The following MARCHF1 variants were observed in gnomAD, a reference collection of about 807,000 sequenced individuals.
The protein encoded by MARCHF1 is membrane associated ring-CH-type finger 1, also known as E3 ubiquitin-protein ligase MARCHF1.
Under a neutral mutation model 54.2 loss-of-function variants are expected in MARCHF1, and 40 were observed. The ratio of observed to expected loss-of-function variants is 0.74; its 90% confidence interval spans 0.57 to 0.96. The LOEUF (loss-of-function observed/expected upper bound fraction) is 0.96, where lower values mean the gene tolerates loss of function less well. Among genes scored for constraint, MARCHF1 ranks in the 40% least tolerant of loss-of-function variants. MARCHF1 has a pLI of 0.00. For missense variants in MARCHF1, 586 were observed against 656.5 expected (o/e 0.89, Z 1.17); for synonymous variants, 236 against 236.3 (o/e 1.00, Z 0.01).
At chr4:164,270,532 G>A (rs772125227) in intron 1 of MARCHF1, among the ~76,000 whole-genome samples, 61 of 152,164 alleles carry the variant, frequency 4.0e-4, no homozygotes, top group Non-Finnish European at 6.6e-4. Flanking sequence ...CATACTAGGT[G>A]TGCTCAATGA....
At chr4:163,745,853 G>A (rs1357929553) in intron 4 of MARCHF1, among the ~76,000 whole-genome samples, 3 of 151,748 alleles carry the variant, frequency 2.0e-5, no homozygotes, top group African/African-American at 7.3e-5. Context: ...AAAAAAAAGA[G>A]ACTTTATTTT....
At chr4:164,015,152 C>A (rs1753508698) in intron 2 of MARCHF1, among the ~76,000 whole-genome samples, 1 of 152,070 alleles carries the variant, frequency 6.6e-6, no homozygotes, top group African/African-American at 2.4e-5. Context: ...TAAATCTATC[C>A]ATTATGGTTA....
intron 1 of MARCHF1, among the ~76,000 whole-genome samples, chr4:164,176,939 G>GCACTCTCTCTCT (rs1491410602): frequency 3.7e-5 from 2 of 53,620 alleles, no homozygotes; most frequent in African/African-American, 1.2e-4. Context: ...AGTACCTTGT[G>GCACTCTCTCTCT]CGCTCTCTCT....
intron 3 of MARCHF1, among the ~76,000 whole-genome samples, chr4:163,863,905 C>T (rs889718341): frequency 5.9e-5 from 9 of 151,966 alleles, no homozygotes; most frequent in African/African-American, 1.9e-4. Flanking sequence ...GACACAGTAG[C>T]CAAACAAAAT....
At chr4:163,983,137 A>T (rs1752795251) in intron 3 of MARCHF1, among the ~76,000 whole-genome samples, 1 of 152,186 alleles carries the variant, frequency 6.6e-6, no homozygotes, top group South Asian at 2.1e-4. Context: ...GCCTGAGACA[A>T]ATATGCATTT....
intron 1 of MARCHF1, among the ~76,000 whole-genome samples, chr4:164,382,333 A>T (rs925110221): frequency 6.6e-6 from 1 of 152,226 alleles, no homozygotes; most frequent in Non-Finnish European, 1.5e-5. Flanking sequence ...AAATCATCTG[A>T]AGAAAAATTA....
rs1274075281 is a variant in MARCHF1, at chr4:163,854,054, C to T, written c.78G>A (p.Gly26=). ...PNNTRTPEIS[G]DLADASQTST... is the part of the protein sequence containing the mutation. ...AGGTTTGTGAGGCGTCAGCCAAATC[C>T]CCTGAGATCTCGGGTGTTCGCGTGT... Residue 26 remains glycine, a synonymous_variant, in exon 4 of 10, where the codon GGG becomes GGA. Coordinates refer to ENST00000514618, the MANE Select transcript of MARCHF1 (RefSeq NM_001394959.1). 1 of 1,536,866 alleles carries T rather than the reference C, an allele frequency of 6.5e-7. No individual in the cohort carries two copies.
intron 3 of MARCHF1, among the ~76,000 whole-genome samples, chr4:163,863,244 C>A (rs1041827083): frequency 6.6e-6 from 1 of 152,016 alleles, no homozygotes; most frequent in African/African-American, 2.4e-5. Flanking sequence ...AATTATAGAA[C>A]CACCTCACTG....
rs571290788 is a variant in MARCHF1 at position 164,293,542 on chromosome 4, G to A, written c.-323+90328C>T. The stretch of plus-strand genomic sequence containing the variant: ...AATCATTCTTGCTCAAATAAACTCT[G>A]CTAAATGTAATTTGTCTAAAGTTTT... On this transcript the variant is annotated intron_variant, in intron 1 of 9. Transcript: ENST00000514618. Among the ~76,000 whole-genome samples, 4 of 152,290 alleles carry A rather than the reference G, an allele frequency of 2.6e-5. No homozygotes were observed. The South Asian group carries it at 8.3e-4, about 32-fold the overall frequency.
At chr4:164,207,130 T>C (rs62347981) in intron 1 of MARCHF1, among the ~76,000 whole-genome samples, 57,738 of 152,022 alleles carry the variant, frequency 0.38, 12,610 homozygotes, top group Non-Finnish European at 0.5. Context: ...GAAGGGGTAA[T>C]AGAAGCCATT....
intron 2 of MARCHF1, among the ~76,000 whole-genome samples, chr4:164,109,891 C>T (rs116459973): frequency 0.012 from 1,667 of 136,752 alleles, 34 homozygotes; most frequent in African/African-American, 0.043. Flanking sequence ...TTCACACATA[C>T]CCCTGAACCT....
intron 4 of MARCHF1, among the ~76,000 whole-genome samples, chr4:163,729,009 C>A (rs958788819): frequency 6.6e-6 from 1 of 152,010 alleles, no homozygotes; most frequent in Non-Finnish European, 1.5e-5. Context: ...TGTCAGTTTT[C>A]TTCTGTATCT....
chr4:163,680,734 C>CT (rs1241641642), intron 5 of MARCHF1, among the ~76,000 whole-genome samples: 1 of 152,214 alleles, frequency 6.6e-6, no homozygotes, highest in Non-Finnish European at 1.5e-5. Context: ...AGAACCACCA[C>CT]TTCTAAGGGA....
At chr4:164,167,199 C>T (rs940614588) in intron 1 of MARCHF1, among the ~76,000 whole-genome samples, 1 of 142,558 alleles carries the variant, frequency 7.0e-6, no homozygotes, top group Non-Finnish European at 1.5e-5. Context: ...ATGGTTCCTT[C>T]CCTCAAAAAG....
chr4:163,940,979 G>T (rs993491660), intron 3 of MARCHF1, among the ~76,000 whole-genome samples: 8 of 152,060 alleles, frequency 5.3e-5, no homozygotes, highest in African/African-American at 1.9e-4. Context: ...AATTTGGGGA[G>T]ACATAGAGGT....
intron 1 of MARCHF1, among the ~76,000 whole-genome samples, chr4:164,272,393 A>C (rs1298554294): frequency 1.3e-5 from 2 of 152,140 alleles, no homozygotes; most frequent in Admixed American, 1.3e-4. Context: ...AGTAAAAATA[A>C]ATCCTGGTGT....
At chr4:163,610,800 C>G (rs996469799) in intron 7 of MARCHF1, among the ~76,000 whole-genome samples, 13 of 152,084 alleles carry the variant, frequency 8.5e-5, no homozygotes, top group African/African-American at 3.1e-4. Flanking sequence ...CGAGCCCTCT[C>G]CACTTCTCCA....
At position 164,164,938 on chromosome 4, in the gene MARCHF1, T is replaced by C. The variant is rs1052233049; in HGVS notation, c.-322-53276A>G. On this transcript the variant is annotated intron_variant, in intron 1 of 9. Coordinates refer to ENST00000514618, the MANE Select transcript of MARCHF1 (RefSeq NM_001394959.1). Reference sequence around the variant, plus strand: ...CCCATTCAACCACTAGAGGAAAGCATCTAGAATCATAAAATAATCAGCATA... The same window carrying C: ...CCCATTCAACCACTAGAGGAAAGCACCTAGAATCATAAAATAATCAGCATA... Among the ~76,000 whole-genome samples, 14 of 151,940 alleles carry C rather than the reference T, an allele frequency of 9.2e-5. No individual in the cohort carries two copies. The East Asian group carries it at 2.5e-3, about 27-fold the overall frequency.
At chr4:163,967,374 G>A (rs373805104) in intron 3 of MARCHF1, among the ~76,000 whole-genome samples, 2 of 152,118 alleles carry the variant, frequency 1.3e-5, no homozygotes, top group East Asian at 3.9e-4. Context: ...ATCTCACTGT[G>A]CTGCTGCACG....
Sources: allele counts gnomAD v4.1 joint callset (sites outside exome capture counted in the v4.1 genomes callset), GRCh38; gene constraint gnomAD v4.1.1; transcripts MANE v1.5; gene names NCBI Gene and HGNC (gene_info 2026-07-23, HGNC 2026-07-21).